SYT16: variants seen among roughly 807,000 people sequenced by gnomAD.
SYT16 encodes the protein synaptotagmin 16.
Under a neutral mutation model 61.4 loss-of-function variants are expected in SYT16, and 42 were observed. That is an observed-to-expected ratio of 0.68 (90% CI 0.53 to 0.89). SYT16 has a LOEUF of 0.89. Among genes scored for constraint, SYT16 ranks in the 40% least tolerant of loss-of-function variants. SYT16 has a pLI of 0.00. For synonymous variants in SYT16, 314 were observed against 302.3 expected (o/e 1.04, Z -0.40); for missense variants, 804 against 807.3 (o/e 1.00, Z 0.05).
intron 3 of SYT16, among the ~76,000 whole-genome samples, chr14:62,016,079 T>C (rs1426020127): frequency 6.6e-6 from 1 of 152,138 alleles, no homozygotes; most frequent in Non-Finnish European, 1.5e-5. Context: ...AACTTGTCAA[T>C]AGTGAAACCA....
Position 61,914,675 on chromosome 14 carries a change from A to G in SYT16, c.-324-55457A>G, listed in dbSNP as rs576239287. Among the ~76,000 whole-genome samples the G allele has an allele frequency of 7.0e-4, 107 of 152,336 alleles. 1 individual carries two copies. In the South Asian group the frequency reaches 0.022, roughly 32 times the overall value. On this transcript the variant is annotated intron_variant, in intron 1 of 7. Coordinates refer to ENST00000683842, the MANE Select transcript of SYT16 (RefSeq NM_001367656.1). Reference sequence around the variant, plus strand: ...TTTATATCCAGTCTATCTATCAGTCATCCCAACAAGTTGATTTGGGTTTCT... The same window carrying G: ...TTTATATCCAGTCTATCTATCAGTCGTCCCAACAAGTTGATTTGGGTTTCT...
chr14:62,080,829 A>G lies in SYT16; in HGVS notation c.994-5A>G. On this transcript the variant is annotated splice_region_variant and splice_polypyrimidine_tract_variant and intron_variant, in intron 5 of 7. Transcript: ENST00000683842. The stretch of plus-strand genomic sequence containing the variant: ...ATTTCTAATTGTTTCCTCTGCCTGC[A>G]ACAGGAACAGGACAGGACCAATTTG... The G allele has an allele frequency of 6.3e-7, 1 of 1,586,984 alleles. No individual in the cohort carries two copies. The highest frequency in any genetic ancestry group is 1.1e-5 in the South Asian group (1 of 87,186).
intron 3 of SYT16, among the ~76,000 whole-genome samples, chr14:62,004,293 G>A (rs972322947): frequency 1.3e-5 from 2 of 151,994 alleles, no homozygotes; most frequent in Non-Finnish European, 2.9e-5. Flanking sequence ...AAAGGGAAGC[G>A]TCACTTTTAA....
chr14:61,915,754 A>C (rs1230967545), intron 1 of SYT16, among the ~76,000 whole-genome samples: 1 of 152,214 alleles, frequency 6.6e-6, no homozygotes, highest in Non-Finnish European at 1.5e-5. Flanking sequence ...ATGCTTTGTC[A>C]ATTGATCTTT....
chr14:61,907,990 G>C (rs73258468), intron 1 of SYT16, among the ~76,000 whole-genome samples: 8,431 of 152,334 alleles, frequency 0.055, 784 homozygotes, highest in African/African-American at 0.19. Flanking sequence ...TTTAGGTGGA[G>C]ATGTGTATGT....
intron 1 of SYT16, among the ~76,000 whole-genome samples, chr14:61,839,462 A>G (rs1028272210): frequency 1.3e-5 from 2 of 152,228 alleles, no homozygotes; most frequent in African/African-American, 4.8e-5. Context: ...CACAGAAGTG[A>G]TGATAATTGC....
intron 1 of SYT16, among the ~76,000 whole-genome samples, chr14:61,959,607 A>T: frequency 6.6e-6 from 1 of 152,012 alleles, no homozygotes; most frequent in African/African-American, 2.4e-5. Flanking sequence ...CTGTGGTTAT[A>T]GTTATTCTTA....
intron 1 of SYT16, among the ~76,000 whole-genome samples, chr14:61,940,459 G>A (rs958688818): frequency 1.1e-4 from 17 of 152,250 alleles, no homozygotes; most frequent in African/African-American, 3.9e-4. Context: ...ATAGCAGAGT[G>A]ATTAAAATAG....
In SYT16 at chr14:62,110,179, A is replaced by G. The variant is rs1263136339; in HGVS notation, c.*9472A>G. ...TAGTTGTATAAAGAATATTGGATTA[A>G]AGTTGATGAGGCCTGTGTTCTGATA... On this transcript the variant is annotated 3_prime_UTR_variant, in exon 8 of 8. Coordinates refer to ENST00000683842, the MANE Select transcript of SYT16 (RefSeq NM_001367656.1). 2 of 152,142 alleles carry G rather than the reference A, an allele frequency of 1.3e-5. No individual in the cohort carries two copies. Among genetic ancestry groups the G allele is most frequent in the African/African-American group, 4.8e-5 (2 of 41,438 alleles). 9.4% of individuals were successfully genotyped at this position (152,142 alleles called of 1,614,324 possible). A position where few individuals can be genotyped will look rare whatever the true frequency, so the allele number is the denominator to read the frequency against.
intron 2 of SYT16, among the ~76,000 whole-genome samples, chr14:61,970,779 T>A (rs2051514777): frequency 6.6e-6 from 1 of 152,160 alleles, no homozygotes; most frequent in Admixed American, 6.6e-5. Context: ...CTTAAAGAAA[T>A]AATTGGCTTC....
intron 1 of SYT16, among the ~76,000 whole-genome samples, chr14:61,931,352 T>G (rs2049757885): frequency 6.6e-6 from 1 of 152,222 alleles, no homozygotes; most frequent in Admixed American, 6.6e-5. Flanking sequence ...CATATATTCT[T>G]TCTCTTATTT....
At chr14:61,880,489 G>A (rs951291997) in intron 1 of SYT16, among the ~76,000 whole-genome samples, 1 of 151,968 alleles carries the variant, frequency 6.6e-6, no homozygotes, top group South Asian at 2.1e-4. Flanking sequence ...GAATTAGTTC[G>A]TAAAGTTCCA....
chr14:61,999,311 G>A (rs1334377319), intron 3 of SYT16, among the ~76,000 whole-genome samples: 1 of 151,614 alleles, frequency 6.6e-6, no homozygotes, highest in African/African-American at 2.4e-5. Context: ...TAGGTATAAG[G>A]GTAACCTAGT....
chr14:62,077,285 T>A (rs949133081), intron 5 of SYT16, among the ~76,000 whole-genome samples: 1 of 152,234 alleles, frequency 6.6e-6, no homozygotes, highest in African/African-American at 2.4e-5. Context: ...ACAAGTATTC[T>A]CATCTTAAGG....
intron 5 of SYT16, among the ~76,000 whole-genome samples, chr14:62,076,815 C>G (rs1261635690): frequency 1.3e-5 from 2 of 152,200 alleles, no homozygotes; most frequent in Non-Finnish European, 2.9e-5. Context: ...GATACTCTGT[C>G]TCCTTGGTGA....
intron 7 of SYT16, among the ~76,000 whole-genome samples, chr14:62,088,673 A>G (rs2056967970): frequency 6.6e-6 from 1 of 152,240 alleles, no homozygotes; most frequent in African/African-American, 2.4e-5. Context: ...ATGCATGCTG[A>G]AATTTTTAGC....
chr14:61,925,294 G>A (rs2049491301), intron 1 of SYT16, among the ~76,000 whole-genome samples: 1 of 152,198 alleles, frequency 6.6e-6, no homozygotes, highest in Non-Finnish European at 1.5e-5. Context: ...GTTGGAAAGT[G>A]TTAAGCCTGA....
chr14:61,812,545 C>G (rs1242694674), upstream of SYT16, among the ~76,000 whole-genome samples: 2 of 150,964 alleles, frequency 1.3e-5, no homozygotes, highest in African/African-American at 4.9e-5. Flanking sequence ...GAGATCCAGC[C>G]TCTAGGCGCC....
intron 1 of SYT16, among the ~76,000 whole-genome samples, chr14:61,843,676 G>T (rs893335221): frequency 2.0e-5 from 3 of 152,144 alleles, no homozygotes; most frequent in Non-Finnish European, 2.9e-5. Context: ...TTTCCTCAGT[G>T]TATGCTCTTG....
Sources: gnomAD v4.1 joint callset for allele counts (sites outside exome capture counted in the v4.1 genomes callset) on GRCh38, gnomAD v4.1.1 for gene constraint, MANE v1.5 for transcripts, NCBI Gene and HGNC (gene_info 2026-07-23, HGNC 2026-07-21) for gene names.